The following DGLUCY variants were observed in gnomAD, a reference collection of about 807,000 sequenced individuals.
DGLUCY encodes D-glutamate cyclase, also known as D-glutamate cyclase, mitochondrial.
Under a neutral mutation model 58.5 loss-of-function variants are expected in DGLUCY, and 58 were observed. The observed-to-expected ratio is 0.99, with a 90% CI of 0.80 to 1.23. DGLUCY has a LOEUF of 1.23. DGLUCY is among the 50% of genes most tolerant of loss of function. DGLUCY has a pLI of 0.00. For synonymous variants in DGLUCY, 325 were observed against 314.1 expected, an observed-to-expected ratio of 1.03 and a Z score of -0.37; for missense variants, 779 against 784.7, an observed-to-expected ratio of 0.99 and a Z score of 0.09.
At chr14:91,153,558 G>A (rs1452148288) in intron 1 of DGLUCY, among the ~76,000 whole-genome samples, 1 of 152,198 alleles carries the variant, frequency 6.6e-6, no homozygotes, top group Non-Finnish European at 1.5e-5. Context: ...GAGTACAACA[G>A]ATGGAAAGGC....
chr14:91,138,090 C>T (rs998431440), intron 1 of DGLUCY, among the ~76,000 whole-genome samples: 19 of 152,200 alleles, frequency 1.2e-4, no homozygotes, highest in African/African-American at 4.3e-4. Flanking sequence ...CTGCCTTTGT[C>T]TTCTGGTCCT....
At chr14:91,136,734 T>C (rs771439141) in intron 1 of DGLUCY, among the ~76,000 whole-genome samples, 5 of 151,382 alleles carry the variant, frequency 3.3e-5, no homozygotes, top group African/African-American at 4.9e-5. Context: ...TTTGGGAGGC[T>C]GAGGCAGGTG....
chr14:91,198,191 C>T (rs1246752295), intron 10 of DGLUCY, among the ~76,000 whole-genome samples: 8 of 152,046 alleles, frequency 5.3e-5, no homozygotes, highest in Admixed American at 2.6e-4. Flanking sequence ...TACAGGCACC[C>T]GCCACCATAC....
intron 12 of DGLUCY, among the ~76,000 whole-genome samples, chr14:91,214,172 CT>C (rs376343267): frequency 6.1e-4 from 93 of 152,244 alleles, no homozygotes; most frequent in Middle Eastern, 6.8e-3. Flanking sequence ...TGAGTGCCCC[CT>C]CTCCATGCTC....
At chr14:91,123,484 T>TA (rs10631451) in intron 1 of DGLUCY, among the ~76,000 whole-genome samples, 489 of 148,232 alleles carry the variant, frequency 3.3e-3, no homozygotes, top group Middle Eastern at 3.5e-3. Context: ...TGGAGACAGT[T>TA]AAAAAAAAAA....
intron 12 of DGLUCY, among the ~76,000 whole-genome samples, chr14:91,209,125 C>T (rs1885249757): frequency 6.6e-6 from 1 of 151,380 alleles, no homozygotes; most frequent in Non-Finnish European, 1.5e-5. Context: ...ACCAGCCTTG[C>T]CAACATGGTG....
chr14:91,216,852 C>T (rs974585506), intron 13 of DGLUCY, among the ~76,000 whole-genome samples: 1 of 152,188 alleles, frequency 6.6e-6, no homozygotes, highest in South Asian at 2.1e-4. Context: ...AGGGCATCAA[C>T]GTGTGCCCGT....
At chr14:91,068,079 GCACACACACACACACACA>G (rs57428509) in intron 1 of DGLUCY, among the ~76,000 whole-genome samples, 1 of 146,436 alleles carries the variant, frequency 6.8e-6, no homozygotes, top group East Asian at 2.0e-4. Flanking sequence ...ACACGCGCAC[GCACACACACACACACACA>G]CACACACACA....
At chr14:91,176,503 C>T (rs1320272442) in intron 7 of DGLUCY, among the ~76,000 whole-genome samples, 4 of 152,152 alleles carry the variant, frequency 2.6e-5, no homozygotes, top group Non-Finnish European at 4.4e-5. Flanking sequence ...GGATTACAGG[C>T]GTGAGTCATC....
chr14:91,142,093 G>A (rs767217174), intron 1 of DGLUCY, among the ~76,000 whole-genome samples: 3 of 152,076 alleles, frequency 2.0e-5, no homozygotes, highest in Non-Finnish European at 4.4e-5. Flanking sequence ...TGATCCATCT[G>A]CCTCTGCCTC....
intron 1 of DGLUCY, among the ~76,000 whole-genome samples, chr14:91,125,333 T>C (rs2045609264): frequency 6.6e-6 from 1 of 152,216 alleles, no homozygotes; most frequent in Non-Finnish European, 1.5e-5. Flanking sequence ...CCCTCTGGAA[T>C]GGCTGCGATC....
intron 10 of DGLUCY, among the ~76,000 whole-genome samples, chr14:91,197,319 G>C (rs1237720307): frequency 1.3e-5 from 2 of 152,136 alleles, no homozygotes; most frequent in Non-Finnish European, 2.9e-5. Context: ...TGGCCAGGCT[G>C]GTCTTGAACT....
intron 7 of DGLUCY, among the ~76,000 whole-genome samples, chr14:91,177,515 A>G (rs1404634606): frequency 6.6e-6 from 1 of 152,212 alleles, no homozygotes; most frequent in Non-Finnish European, 1.5e-5. Context: ...TCCAAGGCCT[A>G]GGTGATATTA....
intron 1 of DGLUCY, among the ~76,000 whole-genome samples, chr14:91,153,170 C>T (rs568457283): frequency 1.0e-3 from 153 of 152,220 alleles, no homozygotes; most frequent in African/African-American, 3.6e-3. Flanking sequence ...TCCCTCCTGA[C>T]AGTGAGCTTT....
intron 2 of DGLUCY, 46 bp from the exon 3 acceptor site, chr14:91,160,220 A>AG: frequency 1.7e-6 from 2 of 1,198,578 alleles, no homozygotes; most frequent in Non-Finnish European, 1.2e-6. Context: ...TGCTGCCTTC[A>AG]GGGGGCCACA....
chr14:91,116,185 A>C lies in DGLUCY; in HGVS notation c.-82+1902A>C, dbSNP rs570882481. Reference sequence around the variant, plus strand: ...TAGAGGGTATTTGCATTAAAAAAAAAAGTTTATTTTCTTATTTTGGGTTTA... The same window carrying C: ...TAGAGGGTATTTGCATTAAAAAAAACAGTTTATTTTCTTATTTTGGGTTTA... On this transcript the variant is annotated intron_variant, in intron 1 of 13. Transcript: ENST00000256324. Among the ~76,000 whole-genome samples the C allele has an allele frequency of 2.0e-5, 3 of 152,338 alleles. No individual in the cohort carries two copies. In the East Asian group the frequency reaches 5.8e-4, roughly 29 times the overall value.
intron 8 of DGLUCY, 144 bp downstream of exon 8, chr14:91,181,533 A>G: frequency 1.3e-6 from 1 of 782,284 alleles, no homozygotes. Flanking sequence ...CTGCATATAA[A>G]TCTCAAAAAG....
At chr14:91,112,350 A>G (rs1191265963), upstream of DGLUCY, among the ~76,000 whole-genome samples, 1 of 152,098 alleles carries the variant, frequency 6.6e-6, no homozygotes, top group East Asian at 1.9e-4. Flanking sequence ...GATTAATTCT[A>G]TTTCATTCTC....
intron 8 of DGLUCY, among the ~76,000 whole-genome samples, chr14:91,185,271 ATTTTTTTTT>A (rs35639010): frequency 1.0e-4 from 4 of 38,342 alleles, no homozygotes; most frequent in East Asian, 1.1e-3. Context: ...GCCCAGCCGG[ATTTTTTTTT>A]TTTTTTTTTT....
Sources: allele counts gnomAD v4.1 joint callset (sites outside exome capture counted in the v4.1 genomes callset), GRCh38; gene constraint gnomAD v4.1.1; transcripts MANE v1.5; gene names NCBI Gene and HGNC (gene_info 2026-07-23, HGNC 2026-07-21).